The following PIK3C2G variants were observed in gnomAD, a reference collection of about 807,000 sequenced individuals.
PIK3C2G encodes phosphatidylinositol 3-kinase C2 domain-containing subunit gamma.
A neutral mutation model predicts 181.1 loss-of-function variants in PIK3C2G; 168 were observed. The ratio of observed to expected loss-of-function variants is 0.93; its 90% CI spans 0.82 to 1.05. The LOEUF is 1.05. Ranked by LOEUF, PIK3C2G falls within the 50% of genes least tolerant of loss-of-function variation. PIK3C2G has a pLI of 0.00. For missense variants in PIK3C2G, 1,869 were observed against 1,732.8 expected (o/e 1.08, Z -1.40); for synonymous variants, 573 against 592.2 (o/e 0.97, Z 0.47).
At chr12:18,533,941 C>CTTTT (rs542327503) in intron 24 of PIK3C2G, among the ~76,000 whole-genome samples, 297 of 91,432 alleles carry the variant, frequency 3.2e-3, no homozygotes, top group East Asian at 5.1e-3. Flanking sequence ...CCTGCTATTT[C>CTTTT]TTTTTTTTTT....
At chr12:18,389,925 T>C (rs1361648874) in intron 14 of PIK3C2G, among the ~76,000 whole-genome samples, 1 of 152,198 alleles carries the variant, frequency 6.6e-6, no homozygotes, top group Non-Finnish European at 1.5e-5. Flanking sequence ...TACTAACTCA[T>C]TAAGAGCTAT....
chr12:18,611,665 A>G (rs1948345597), intron 31 of PIK3C2G, among the ~76,000 whole-genome samples: 1 of 152,066 alleles, frequency 6.6e-6, no homozygotes, highest in Admixed American at 6.6e-5. Context: ...CACCTTTTTC[A>G]TCTCAGTAAA....
intron 18 of PIK3C2G, among the ~76,000 whole-genome samples, chr12:18,460,647 T>TAG (rs1229317380): frequency 2.7e-5 from 4 of 148,510 alleles, no homozygotes; most frequent in Non-Finnish European, 5.9e-5. Context: ...TATATATATA[T>TAG]AGCACTTAGC....
At chr12:18,581,667 T>G (rs1946507775) in intron 29 of PIK3C2G, among the ~76,000 whole-genome samples, 1 of 152,236 alleles carries the variant, frequency 6.6e-6, no homozygotes. Context: ...ACATTTGAGT[T>G]GCCTATAAGG....
intron 13 of PIK3C2G, among the ~76,000 whole-genome samples, chr12:18,373,373 T>C (rs2137893664): frequency 6.6e-6 from 1 of 152,298 alleles, no homozygotes; most frequent in South Asian, 2.1e-4. Context: ...TTCCAACACA[T>C]ATATCAACTG....
Position 18,639,110 on chromosome 12 carries a change from G to A in PIK3C2G, c.4183-1319G>A, listed in dbSNP as rs188459379. Among the ~76,000 whole-genome samples the A allele has an allele frequency of 1.6e-4, 25 of 151,916 alleles. No individual in the cohort carries two copies. The East Asian group carries it at 3.1e-3, about 19-fold the overall frequency. On this transcript the variant is annotated intron_variant, in intron 31 of 32. Transcript: ENST00000538779. ...ATACCTTGAGCTCCAATAAAGTACCGGTCCTCATTCTTAACATATTGACAA... is the reference window on the plus strand; with the variant it reads ...ATACCTTGAGCTCCAATAAAGTACCAGTCCTCATTCTTAACATATTGACAA...
the PIK3C2G span, chr12:18,705,027 A>C: frequency 1.0e-6 from 1 of 992,720 alleles, no homozygotes; most frequent in Non-Finnish European, 1.6e-6. Context: ...CCTAGGCAAC[A>C]TTGCAAAAAT....
chr12:18,394,873 A>G (rs1943759045), intron 15 of PIK3C2G, among the ~76,000 whole-genome samples: 1 of 151,960 alleles, frequency 6.6e-6, no homozygotes, highest in Non-Finnish European at 1.5e-5. Flanking sequence ...GAGGCAAAAA[A>G]TAATTAAGGA....
At chr12:18,670,449 T>C in the PIK3C2G span, among the ~76,000 whole-genome samples, 3 of 151,820 alleles carry the variant, frequency 2.0e-5, no homozygotes, top group Non-Finnish European at 2.9e-5. Context: ...ACCATGAGAG[T>C]TGAAGGGCCT....
intron 18 of PIK3C2G, among the ~76,000 whole-genome samples, chr12:18,447,186 G>A (rs1344425559): frequency 6.6e-6 from 1 of 152,134 alleles, no homozygotes; most frequent in Non-Finnish European, 1.5e-5. Context: ...TCAGGGCCAC[G>A]TGATATTATG....
At chr12:18,627,754 G>A (rs1949167676) in intron 31 of PIK3C2G, among the ~76,000 whole-genome samples, 1 of 152,140 alleles carries the variant, frequency 6.6e-6, no homozygotes, top group African/African-American at 2.4e-5. Flanking sequence ...CAATGTGACA[G>A]GCACATAGAT....
intron 13 of PIK3C2G, among the ~76,000 whole-genome samples, chr12:18,380,210 T>G (rs1942744184): frequency 6.6e-6 from 1 of 152,186 alleles, no homozygotes; most frequent in African/African-American, 2.4e-5. Context: ...ACTCAGGTCC[T>G]TCTTTCTCTG....
chr12:18,387,445 G>A (rs12371012), intron 14 of PIK3C2G, among the ~76,000 whole-genome samples: 49,821 of 151,858 alleles, frequency 0.33, 8,637 homozygotes, highest in East Asian at 0.55. Context: ...CTTTGAAAAT[G>A]CTGTCGTTTC....
intron 16 of PIK3C2G, among the ~76,000 whole-genome samples, chr12:18,406,053 C>T (rs546092725): frequency 6.6e-6 from 1 of 152,250 alleles, no homozygotes; most frequent in South Asian, 2.1e-4. Flanking sequence ...TCCCCAAAGC[C>T]TCTGGTAACC....
At chr12:18,719,592 T>C in the PIK3C2G span, 3 of 1,606,766 alleles carry the variant, frequency 1.9e-6, no homozygotes, top group Non-Finnish European at 2.6e-6. Context: ...AATCCATGTA[T>C]CTTGTAAAAC....
chr12:18,574,530 T>C (rs1057170109), intron 29 of PIK3C2G, among the ~76,000 whole-genome samples: 7 of 152,254 alleles, frequency 4.6e-5, no homozygotes, highest in African/African-American at 1.7e-4. Flanking sequence ...ACCCCCTCCT[T>C]TTTCCCTCCC....
intron 18 of PIK3C2G, among the ~76,000 whole-genome samples, chr12:18,477,185 A>T (rs1939089477): frequency 6.6e-6 from 1 of 152,044 alleles, no homozygotes; most frequent in Admixed American, 6.6e-5. Context: ...TTTAACCTTA[A>T]TTACCTTCCT....
intron 12 of PIK3C2G, among the ~76,000 whole-genome samples, chr12:18,367,879 G>C (rs2137845081): frequency 6.6e-6 from 1 of 152,208 alleles, no homozygotes; most frequent in African/African-American, 2.4e-5. Flanking sequence ...ATAAAGGAAA[G>C]ATGTTTACTT....
chr12:18,502,002 G>T (rs983163230), intron 22 of PIK3C2G, among the ~76,000 whole-genome samples: 4 of 152,134 alleles, frequency 2.6e-5, no homozygotes, highest in African/African-American at 9.7e-5. Flanking sequence ...GGATTAAAAA[G>T]CATCACCTAC....
Sources: allele counts gnomAD v4.1 joint callset (sites outside exome capture counted in the v4.1 genomes callset), GRCh38; gene constraint gnomAD v4.1.1; transcripts MANE v1.5; gene names NCBI Gene and HGNC (gene_info 2026-07-23, HGNC 2026-07-21).